The following ELAVL2 variants were observed in gnomAD, a reference collection of about 807,000 sequenced individuals.
The protein encoded by ELAVL2 is ELAV-like protein 2.
In ELAVL2, 4 loss-of-function variants were observed where a neutral mutation model predicts 34.6. That is an observed-to-expected ratio of 0.12 (90% CI 0.06 to 0.26). The LOEUF (loss-of-function observed/expected upper bound fraction) is 0.26, where lower values mean the gene tolerates loss of function less well. Ranked by LOEUF, ELAVL2 falls within the 10% of genes least tolerant of loss-of-function variation. The pLI, the probability that ELAVL2 is intolerant of heterozygous loss-of-function variation, is 1.00. For missense variants in ELAVL2, 432 were observed against 442.8 expected, an observed-to-expected ratio of 0.98 and a Z score of 0.22; for synonymous variants, 193 against 154.8, an observed-to-expected ratio of 1.25 and a Z score of -1.83.
chr9:23,760,887 A>G lies in ELAVL2; in HGVS notation c.229+1119T>C, dbSNP rs145446110. ...GGCTGGCTCTAGAACTCACTTGCAG[A>G]TCTTGGAGAGAATGAGCCCTAACGA... On this transcript the variant is annotated intron_variant, in intron 2 of 6. Transcript: ENST00000397312. 1.8e-3 allele frequency among the ~76,000 whole-genome samples: 268 copies of G among 152,156 alleles called. 1 individual carries two copies. The highest frequency in any genetic ancestry group is 5.7e-3 in the African/African-American group (235 of 41,540).
intron 2 of ELAVL2, among the ~76,000 whole-genome samples, chr9:23,732,400 C>G (rs1193242798): frequency 6.6e-6 from 1 of 152,106 alleles, no homozygotes; most frequent in Non-Finnish European, 1.5e-5. Flanking sequence ...AATATATGTC[C>G]TCTATCAAAA....
chr9:23,846,831 G>T, the ELAVL2 span, among the ~76,000 whole-genome samples: 1 of 151,942 alleles, frequency 6.6e-6, no homozygotes, highest in Non-Finnish European at 1.5e-5. Context: ...AGAATATGTG[G>T]CAATTACATG....
At chr9:23,807,061 A>G (rs986829032) in intron 1 of ELAVL2, among the ~76,000 whole-genome samples, 9 of 152,144 alleles carry the variant, frequency 5.9e-5, no homozygotes, top group Admixed American at 5.9e-4. Context: ...GTTAAATCAA[A>G]CAATTATAAA....
intron 1 of ELAVL2, among the ~76,000 whole-genome samples, chr9:23,795,355 C>T (rs118127326): frequency 6.6e-6 from 1 of 151,966 alleles, no homozygotes; most frequent in African/African-American, 2.4e-5. Flanking sequence ...AACAGCGTGG[C>T]CAACATGGTA....
At chr9:23,778,175 C>A (rs2058519819) in intron 1 of ELAVL2, among the ~76,000 whole-genome samples, 1 of 151,994 alleles carries the variant, frequency 6.6e-6, no homozygotes, top group South Asian at 2.1e-4. Context: ...AAATAAAAAG[C>A]CAACAATGGA....
intron 1 of ELAVL2, among the ~76,000 whole-genome samples, chr9:23,772,020 A>T (rs866712544): frequency 1.3e-5 from 2 of 152,224 alleles, no homozygotes; most frequent in Non-Finnish European, 1.5e-5. Context: ...ATATGAGTAC[A>T]ACAAGAATAA....
At chr9:23,760,420 A>G (rs762518712) in intron 2 of ELAVL2, among the ~76,000 whole-genome samples, 23 of 152,152 alleles carry the variant, frequency 1.5e-4, no homozygotes, top group Non-Finnish European at 3.2e-4. Context: ...GTCATTTATC[A>G]TATTTTTATC....
At chr9:23,707,614 T>TA (rs1260787954) in intron 3 of ELAVL2, among the ~76,000 whole-genome samples, 1 of 152,168 alleles carries the variant, frequency 6.6e-6, no homozygotes, top group African/African-American at 2.4e-5. Context: ...TGGTTAAAGG[T>TA]AACAGCTAAT....
rs935812481 is a variant in ELAVL2, at chr9:23,762,202, G to C, written c.33C>G (p.Cys11Trp). 7.4e-6 allele frequency: 12 copies of C among 1,613,526 alleles called. No individual in the cohort carries two copies. The highest frequency in any genetic ancestry group is 2.2e-5 in the East Asian group (1 of 44,870). The change falls in exon 2 of 7, where the codon TGC becomes TGG. Residue 11 changes from cysteine (C) to tryptophan (W), a missense_variant. This residue lies in a region of ELAVL2 where 132 missense variants were observed against 118.3 expected (regional missense o/e 1.12). Transcript: ENST00000397312. METQLSNGPT[C>W]NNTANGPTTI... ...TGGTTGGACCATTGGCTGTGTTATT[G>C]CAAGTTGGCCCATTAGACAGTTGTG...
At chr9:23,751,051 C>T (rs1564269503) in intron 2 of ELAVL2, among the ~76,000 whole-genome samples, 1 of 151,990 alleles carries the variant, frequency 6.6e-6, no homozygotes, top group Admixed American at 6.6e-5. Flanking sequence ...AGTCAAGGGC[C>T]CCATCAGATC....
chr9:23,739,969 A>G (rs1053932040), intron 2 of ELAVL2, among the ~76,000 whole-genome samples: 1 of 152,248 alleles, frequency 6.6e-6, no homozygotes, highest in Admixed American at 6.5e-5. Context: ...AGAGCTCCCC[A>G]TTTTGTCAAG....
intron 1 of ELAVL2, among the ~76,000 whole-genome samples, chr9:23,777,513 T>C (rs1564417988): frequency 6.6e-6 from 1 of 152,160 alleles, no homozygotes; most frequent in Non-Finnish European, 1.5e-5. Flanking sequence ...CATCCATCCT[T>C]TGTCAGGCTA....
chr9:23,818,179 T>C (rs930231549), intron 1 of ELAVL2, among the ~76,000 whole-genome samples: 7 of 152,238 alleles, frequency 4.6e-5, no homozygotes, highest in African/African-American at 1.7e-4. Context: ...TTATGCATTT[T>C]ATGTCCTCCA....
chr9:23,832,956 T>C, the ELAVL2 span, among the ~76,000 whole-genome samples: 1 of 152,142 alleles, frequency 6.6e-6, no homozygotes, highest in Non-Finnish European at 1.5e-5. Flanking sequence ...TGATTATTCA[T>C]AGGTTAGTAA....
At chr9:23,840,000 G>A in the ELAVL2 span, among the ~76,000 whole-genome samples, 1 of 152,118 alleles carries the variant, frequency 6.6e-6, no homozygotes, top group Non-Finnish European at 1.5e-5. Context: ...TTTTCAATCT[G>A]TATATTAAAA....
chr9:23,788,600 TTTTC>T (rs761807039), intron 1 of ELAVL2, among the ~76,000 whole-genome samples: 22 of 152,190 alleles, frequency 1.4e-4, no homozygotes, highest in African/African-American at 4.3e-4. Context: ...GCGTATTTAG[TTTTC>T]TTTAAGTCGA....
At chr9:23,742,032 T>C (rs980555201) in intron 2 of ELAVL2, among the ~76,000 whole-genome samples, 4 of 152,170 alleles carry the variant, frequency 2.6e-5, no homozygotes, top group Admixed American at 6.6e-5. Context: ...CTTGGCATGA[T>C]AACATCTGGC....
At chr9:23,766,254 G>T (rs770074984) in intron 1 of ELAVL2, among the ~76,000 whole-genome samples, 1 of 152,044 alleles carries the variant, frequency 6.6e-6, no homozygotes, top group Non-Finnish European at 1.5e-5. Context: ...CTCTTCTTCC[G>T]TTCTCCCACT....
intron 1 of ELAVL2, among the ~76,000 whole-genome samples, chr9:23,820,434 CA>C (rs1385657911): frequency 1.3e-5 from 2 of 152,152 alleles, no homozygotes; most frequent in African/African-American, 4.8e-5. Flanking sequence ...CAACTCGTAG[CA>C]AATCCTTTTC....
Sources: allele counts gnomAD v4.1 joint callset (sites outside exome capture counted in the v4.1 genomes callset), GRCh38; gene constraint gnomAD v4.1.1; regional missense constraint gnomAD v4.1.1; transcripts MANE v1.5; gene names NCBI Gene and HGNC (gene_info 2026-07-23, HGNC 2026-07-21).